Variants in PALMD observed in about 807,000 individuals in gnomAD.
PALMD encodes paralemmin-like protein.
PALMD carries 42 observed loss-of-function variants against 56.2 expected under a neutral mutation model. The ratio of observed to expected loss-of-function variants is 0.75; its 90% CI spans 0.58 to 0.97. The LOEUF (loss-of-function observed/expected upper bound fraction) is 0.97. Ranked by LOEUF, PALMD falls within the 50% of genes least tolerant of loss-of-function variation. PALMD has a pLI of 0.00. For missense variants in PALMD, 660 were observed against 643.8 expected, an observed-to-expected ratio of 1.03 and a Z score of -0.27; for synonymous variants, 242 against 222.9, an observed-to-expected ratio of 1.09 and a Z score of -0.76.
intron 7 of PALMD, 28 bp downstream of exon 7, chr1:99,689,900 G>C (rs1255806894): frequency 6.4e-7 from 1 of 1,559,592 alleles, no homozygotes; most frequent in South Asian, 1.2e-5. Context: ...GCATGCCACT[G>C]CTGTTCAGTC....
At chr1:99,658,986 A>G (rs372529102) in intron 1 of PALMD, among the ~76,000 whole-genome samples, 5 of 152,184 alleles carry the variant, frequency 3.3e-5, no homozygotes, top group South Asian at 2.1e-4. Context: ...CTGTCAAATA[A>G]TTTTTAAACA....
chr1:99,665,543 T>C (rs1327736545), intron 2 of PALMD, among the ~76,000 whole-genome samples: 1 of 152,130 alleles, frequency 6.6e-6, no homozygotes, highest in South Asian at 2.1e-4. Flanking sequence ...AAATTAAAAT[T>C]ATTTCTAACT....
In PALMD at chr1:99,646,190, C is replaced by A. The variant is rs1380557603; in HGVS notation, c.-128C>A. ...ACAAGTCGGGAATTTCTCTATTTCTCCACTGGTGCAAAGAGCGGATTTCTC... is the reference window on the plus strand; with the variant it reads ...ACAAGTCGGGAATTTCTCTATTTCTACACTGGTGCAAAGAGCGGATTTCTC... On this transcript the variant is annotated 5_prime_UTR_variant, in exon 1 of 8. Coordinates refer to ENST00000263174, the MANE Select transcript of PALMD (RefSeq NM_017734.5). 1 of 742,704 alleles carries A rather than the reference C, an allele frequency of 1.3e-6. No homozygotes were observed. Among genetic ancestry groups the A allele is most frequent in the African/African-American group, 1.8e-5 (1 of 57,078 alleles). 46.0% of individuals were successfully genotyped at this position (742,704 alleles called of 1,614,324 possible). A position where few individuals can be genotyped will look rare whatever the true frequency, so the allele number is the denominator to read the frequency against.
chr1:99,681,113 G>A (rs986457167), intron 3 of PALMD, among the ~76,000 whole-genome samples: 18 of 138,732 alleles, frequency 1.3e-4, no homozygotes, highest in South Asian at 4.3e-4. Flanking sequence ...ATATGTGTGT[G>A]TGTGTGTGTG....
intron 3 of PALMD, chr1:99,683,595 T>G (rs1485539682): frequency 1.3e-5 from 2 of 152,238 alleles, no homozygotes. Context: ...CTTCTCACCC[T>G]TCTACTGGCA....
chr1:99,684,151 C>T (rs1239578446), intron 3 of PALMD: 1 of 152,124 alleles, frequency 6.6e-6, no homozygotes, highest in Non-Finnish European at 1.5e-5. Flanking sequence ...TTGTATTACA[C>T]ATTTATTAAT....
chr1:99,662,244 T>C (rs1408132968), intron 1 of PALMD, 75 bp from the exon 2 acceptor site: 7 of 773,658 alleles, frequency 9.0e-6, no homozygotes, highest in East Asian at 2.7e-5. Context: ...GCCATTCAGA[T>C]AGTGACAACA....
intron 1 of PALMD, among the ~76,000 whole-genome samples, chr1:99,649,223 T>C (rs1557665714): frequency 6.6e-6 from 1 of 152,200 alleles, no homozygotes. Context: ...AGTACCCCTT[T>C]GCCTAGAAGT....
intron 3 of PALMD, among the ~76,000 whole-genome samples, chr1:99,681,237 A>G (rs1030048135): frequency 6.6e-6 from 1 of 151,920 alleles, no homozygotes; most frequent in Non-Finnish European, 1.5e-5. Flanking sequence ...AACCCTAAGG[A>G]ATATATATAT....
rs578120755 is a variant in PALMD at position 99,687,353 on chromosome 1, G to T, written c.514+164G>T. The stretch of plus-strand genomic sequence containing the variant: ...TCACCGCATAGGTGAGGATAATGAG[G>T]GTATAATAATAGCATTTATTCCATG... On this transcript the variant is annotated intron_variant, in intron 6 of 7. Transcript: ENST00000263174. 1.6e-3 allele frequency among the ~76,000 whole-genome samples: 237 copies of T among 152,088 alleles called. 2 individuals are homozygous for T. Among genetic ancestry groups the T allele is most frequent in the Non-Finnish European group, 2.7e-3 (183 of 67,976 alleles).
intron 3 of PALMD, among the ~76,000 whole-genome samples, chr1:99,679,138 T>G (rs1653282519): frequency 6.6e-6 from 1 of 152,146 alleles, no homozygotes; most frequent in South Asian, 2.1e-4. Flanking sequence ...GGTGTAGTCC[T>G]GGCTTTTAAT....
intron 3 of PALMD, among the ~76,000 whole-genome samples, chr1:99,670,382 C>T (rs78582400): frequency 0.011 from 1,631 of 152,170 alleles, 29 homozygotes; most frequent in African/African-American, 0.037. Flanking sequence ...ATTAAGTCAT[C>T]GAAAACAACA....
intron 1 of PALMD, among the ~76,000 whole-genome samples, chr1:99,651,291 A>G (rs1571057682): frequency 6.6e-6 from 1 of 152,330 alleles, no homozygotes; most frequent in East Asian, 1.9e-4. Flanking sequence ...ATGAGGTATA[A>G]TAGTTTTGAT....
rs145796584 is a variant in PALMD at position 99,688,817 on chromosome 1, C to T, written c.557C>T (p.Thr186Ile). ...MEIKVEKDLK[T>I]GESTVLSSIP... ...ATTAAAGTTGAAAAAGACTTGAAGA[C>T]TGGAGAAAGTACAGTTCTGTCTTCA... The change falls in exon 7 of 8, where the codon ACT (threonine) becomes ATT (isoleucine). Residue 186 changes from threonine (T) to isoleucine (I), a missense_variant. Transcript: ENST00000263174. The T allele has an allele frequency of 7.1e-5, 115 of 1,609,038 alleles. No individual in the cohort carries two copies. The highest frequency in any genetic ancestry group is 1.7e-4 in the Middle Eastern group (1 of 6,028).
intron 3 of PALMD, among the ~76,000 whole-genome samples, chr1:99,680,198 CT>C (rs1323558248): frequency 6.6e-6 from 1 of 152,076 alleles, no homozygotes; most frequent in Non-Finnish European, 1.5e-5. Context: ...CATTTATGTG[CT>C]GTCCTTTTTT....
chr1:99,689,615 A>G lies in PALMD; in HGVS notation c.1355A>G (p.Glu452Gly). The G allele has an allele frequency of 6.2e-7, 1 of 1,613,780 alleles. No homozygotes were observed. Among genetic ancestry groups the G allele is most frequent in the Non-Finnish European group, 8.5e-7 (1 of 1,179,836 alleles). The change falls in exon 7 of 8, where the codon GAG (glutamate) becomes GGG (glycine). Residue 452 changes from glutamate (E) to glycine (G), a missense_variant. Physicochemically the swap from Glu to Gly is moderately conservative, Grantham distance 98. Transcript: ENST00000263174. ...CTGGTTGTGATTGATGATGAGGAGGAGGAGGATGAAGGAGAAGCAGAGAAA... is the reference window on the plus strand; with the variant it reads ...CTGGTTGTGATTGATGATGAGGAGGGGGAGGATGAAGGAGAAGCAGAGAAA... ...AELVVIDDEE[E>G]EDEGEAEKPS...
At chr1:99,662,277 C>CA in intron 1 of PALMD, 42 bp from the exon 2 acceptor site, 2 of 1,082,908 alleles carry the variant, frequency 1.8e-6, no homozygotes, top group Non-Finnish European at 2.8e-6. Flanking sequence ...CATAATTAAG[C>CA]AAATTTTAAA....
rs1229135312 is a variant in PALMD at position 99,687,143 on chromosome 1, G to T, written c.468G>T (p.Arg156Ser). The T allele has an allele frequency of 6.2e-7, 1 of 1,605,576 alleles. No individual in the cohort carries two copies. Among genetic ancestry groups the T allele is most frequent in the East Asian group, 2.2e-5 (1 of 44,690 alleles). Reference protein sequence around the residue: ...LPKSYIPSRLRKEINEEKEDD... With the variant: ...LPKSYIPSRLSKEINEEKEDD... ...AGTCCTACATACCTTCTAGGTTAAGGAAGGAGATAAATGAAGAAAAAGAAG... is the reference window on the plus strand; with the variant it reads ...AGTCCTACATACCTTCTAGGTTAAGTAAGGAGATAAATGAAGAAAAAGAAG... Residue 156 changes from arginine to serine, a missense_variant, in exon 6 of 8, where the codon AGG becomes AGT. Transcript: ENST00000263174.
chr1:99,669,258 C>T (rs1423456531), intron 3 of PALMD: 1 of 152,106 alleles, frequency 6.6e-6, no homozygotes, highest in Non-Finnish European at 1.5e-5. Flanking sequence ...ATTAACAATT[C>T]TTAAAAGGTT....
Sources: allele counts gnomAD v4.1 joint callset (sites outside exome capture counted in the v4.1 genomes callset), GRCh38; gene constraint gnomAD v4.1.1; transcripts MANE v1.5; gene names NCBI Gene and HGNC (gene_info 2026-07-23, HGNC 2026-07-21).